LINGO2: variants seen among roughly 807,000 people sequenced by gnomAD.
LINGO2 encodes leucine rich repeat and Ig domain containing 2.
Under a neutral mutation model 30.6 loss-of-function variants are expected in LINGO2, and 14 were observed. That is an observed-to-expected ratio of 0.46 (90% CI 0.30 to 0.72). The LOEUF is 0.72. Ranked by LOEUF, LINGO2 falls within the 30% of genes least tolerant of loss-of-function variation. LINGO2 has a pLI of 0.07. For synonymous variants in LINGO2, 317 were observed against 288.5 expected (o/e 1.10, Z -1.00); for missense variants, 729 against 751.7 (o/e 0.97, Z 0.35).
At chr9:28,888,713 A>G in the LINGO2 span, among the ~76,000 whole-genome samples, 2 of 152,156 alleles carry the variant, frequency 1.3e-5, no homozygotes, top group African/African-American at 4.8e-5. Context: ...ATCCATGTTG[A>G]GTGGACAAGT....
chr9:28,011,488 G>T (rs1312903550), intron 5 of LINGO2, among the ~76,000 whole-genome samples: 1 of 152,176 alleles, frequency 6.6e-6, no homozygotes, highest in Non-Finnish European at 1.5e-5. Flanking sequence ...TAAGCAATTT[G>T]AATTTATGTG....
At chr9:29,115,003 T>A in the LINGO2 span, among the ~76,000 whole-genome samples, 12 of 152,130 alleles carry the variant, frequency 7.9e-5, no homozygotes, top group Non-Finnish European at 1.5e-4. Flanking sequence ...TCCGACAAAC[T>A]TTATGAAGTT....
chr9:27,958,349 T>A (rs974365017), intron 5 of LINGO2, among the ~76,000 whole-genome samples: 22 of 152,196 alleles, frequency 1.4e-4, no homozygotes, highest in Non-Finnish European at 3.2e-4. Flanking sequence ...GGAATTGTTC[T>A]GTTAATATTT....
the LINGO2 span, among the ~76,000 whole-genome samples, chr9:29,167,993 A>G: frequency 6.6e-6 from 1 of 152,168 alleles, no homozygotes; most frequent in Admixed American, 6.5e-5. Context: ...TCTGGTAATG[A>G]TGATTCATCT....
chr9:28,258,850 C>A (rs544140181), intron 4 of LINGO2, among the ~76,000 whole-genome samples: 7 of 151,524 alleles, frequency 4.6e-5, no homozygotes, highest in Non-Finnish European at 8.8e-5. Context: ...ATTGCTTTTT[C>A]TTCTGAAACC....
At chr9:29,150,113 T>C in the LINGO2 span, among the ~76,000 whole-genome samples, 2 of 152,140 alleles carry the variant, frequency 1.3e-5, no homozygotes, top group Non-Finnish European at 2.9e-5. Context: ...GTGCTGGCCA[T>C]TACCTAAGCA....
intron 1 of LINGO2, among the ~76,000 whole-genome samples, chr9:28,658,438 C>T (rs559638734): frequency 6.6e-6 from 1 of 152,054 alleles, no homozygotes; most frequent in Admixed American, 6.6e-5. Flanking sequence ...CTGCATATAT[C>T]TTTATAATTA....
intron 1 of LINGO2, among the ~76,000 whole-genome samples, chr9:28,648,072 G>A (rs990336527): frequency 2.6e-5 from 4 of 151,816 alleles, no homozygotes; most frequent in Non-Finnish European, 5.9e-5. Flanking sequence ...AAGTATCCTG[G>A]ATTATTCATA....
In LINGO2 at chr9:28,494,732, C is replaced by T. The variant is rs546585552; in HGVS notation, c.-364-18707G>A. ...ATTTATAATCCTTTGGGTATATACC[C>T]AGTAATGGGATGGCTGGGTCAAATA... On this transcript the variant is annotated intron_variant, in intron 1 of 5. Transcript: ENST00000379992. 3.8e-4 allele frequency among the ~76,000 whole-genome samples: 58 copies of T among 152,284 alleles called. 1 individual carries two copies. In the South Asian group the frequency reaches 7.3e-3, roughly 19 times the overall value.
intron 4 of LINGO2, among the ~76,000 whole-genome samples, chr9:28,128,054 G>C (rs1250080295): frequency 6.6e-6 from 1 of 152,210 alleles, no homozygotes; most frequent in Non-Finnish European, 1.5e-5. Context: ...GAATCTGTTA[G>C]TTAGGTACCT....
intron 4 of LINGO2, among the ~76,000 whole-genome samples, chr9:28,078,561 C>T (rs1825688613): frequency 6.7e-6 from 1 of 148,534 alleles, no homozygotes; most frequent in East Asian, 1.9e-4. Flanking sequence ...GTTAAGATCT[C>T]TAGACTCTGC....
At position 28,355,279 on chromosome 9, in the gene LINGO2, GTC is replaced by G. The variant is rs1188574335; in HGVS notation, c.-246+17555_-246+17556del. 5.8e-4 allele frequency among the ~76,000 whole-genome samples: 27 copies of G among 46,652 alleles called. 1 individual carries two copies. Among genetic ancestry groups the G allele is most frequent in the South Asian group, 1.4e-3 (2 of 1,434 alleles). 30.6% of individuals were successfully genotyped at this position (46,652 alleles called of 152,430 possible). A position where few individuals can be genotyped will look rare whatever the true frequency, so the allele number is the denominator to read the frequency against. ...TGTCTCTGTCTCTCTCTCTGTCTCT[GTC>G]TCTCTCTCTCTCTCTATGTCTCTCT... On this transcript the variant is annotated intron_variant, in intron 3 of 5. Transcript: ENST00000379992.
rs117094536 is a variant in LINGO2 at position 28,014,929 on chromosome 9, A to G, written c.-86-2524T>C. ...TTTATAAATTCCATCAAATTATTAC[A>G]TGAATCATTAACATACCTCTAGTGC... On this transcript the variant is annotated intron_variant, in intron 4 of 5. Transcript: ENST00000379992. 7.0e-4 allele frequency among the ~76,000 whole-genome samples: 106 copies of G among 152,338 alleles called. 1 individual carries two copies. The East Asian group carries it at 0.019, about 27-fold the overall frequency.
intron 4 of LINGO2, among the ~76,000 whole-genome samples, chr9:28,259,344 G>A (rs1312301707): frequency 3.3e-5 from 5 of 151,930 alleles, no homozygotes; most frequent in Non-Finnish European, 7.4e-5. Flanking sequence ...AAAACCTAAT[G>A]TTTTTTTCTT....
At chr9:29,018,937 C>T in the LINGO2 span, among the ~76,000 whole-genome samples, 4 of 152,238 alleles carry the variant, frequency 2.6e-5, no homozygotes, top group South Asian at 8.3e-4. Flanking sequence ...TGAAGAAGCT[C>T]TTCTCACTTT....
At chr9:28,178,617 G>A (rs1372503851) in intron 4 of LINGO2, among the ~76,000 whole-genome samples, 3 of 152,130 alleles carry the variant, frequency 2.0e-5, no homozygotes, top group Non-Finnish European at 4.4e-5. Flanking sequence ...GGAACATTTT[G>A]TTCTCCATCT....
chr9:29,036,519 AAAT>A, the LINGO2 span, among the ~76,000 whole-genome samples: 1 of 152,070 alleles, frequency 6.6e-6, no homozygotes, highest in African/African-American at 2.4e-5. Flanking sequence ...AAGGGATTGG[AAAT>A]TTAAAAAGTC....
At chr9:29,207,700 C>T in the LINGO2 span, among the ~76,000 whole-genome samples, 1 of 152,052 alleles carries the variant, frequency 6.6e-6, no homozygotes, top group East Asian at 1.9e-4. Flanking sequence ...AGAAAATACA[C>T]TTATAGTTTT....
the LINGO2 span, among the ~76,000 whole-genome samples, chr9:28,811,068 A>G: frequency 1.3e-5 from 2 of 152,160 alleles, no homozygotes; most frequent in Non-Finnish European, 2.9e-5. Flanking sequence ...TTCAATATGG[A>G]CAACACAGAA....
Sources: gnomAD v4.1 joint callset for allele counts (sites outside exome capture counted in the v4.1 genomes callset) on GRCh38, gnomAD v4.1.1 for gene constraint, MANE v1.5 for transcripts, NCBI Gene and HGNC (gene_info 2026-07-23, HGNC 2026-07-21) for gene names.